RAB3GAP1: variants seen among roughly 807,000 people sequenced by gnomAD.
The protein encoded by RAB3GAP1 is rab3 GTPase-activating protein catalytic subunit.
Under a neutral mutation model 130.7 loss-of-function variants are expected in RAB3GAP1, and 86 were observed. The ratio of observed to expected loss-of-function variants is 0.66; its 90% CI spans 0.55 to 0.79. RAB3GAP1 has a LOEUF of 0.79. Among genes scored for constraint, RAB3GAP1 ranks in the 30% least tolerant of loss-of-function variants. RAB3GAP1 has a pLI of 0.00. For synonymous variants in RAB3GAP1, 367 were observed against 401.7 expected (o/e 0.91, Z 1.03); for missense variants, 1,029 against 1,169.4 (o/e 0.88, Z 1.75).
rs564209427 is a variant in RAB3GAP1, at chr2:135,097,880, T to C, written c.362+4187T>C. On this transcript the variant is annotated intron_variant, in intron 5 of 23. Coordinates refer to ENST00000264158, the MANE Select transcript of RAB3GAP1 (RefSeq NM_012233.3). ...ACAGATTTTTGTGTGAAAACACATT[T>C]TCAGTTCACTCGGGTAGATACCTAG... is the stretch of plus-strand genomic sequence containing the variant. Among the ~76,000 whole-genome samples the C allele has an allele frequency of 1.2e-4, 19 of 152,328 alleles. No individual in the cohort carries two copies. In the South Asian group the frequency reaches 3.5e-3, roughly 28 times the overall value.
At chr2:135,163,133 T>G (rs1389787402) in intron 22 of RAB3GAP1, 32 bp downstream of exon 22, 2 of 1,501,250 alleles carry the variant, frequency 1.3e-6, no homozygotes, top group East Asian at 2.3e-5. Context: ...CAGTTTTGTC[T>G]GCAGTAGGAA....
At chr2:135,075,576 C>G (rs555283490) in intron 3 of RAB3GAP1, among the ~76,000 whole-genome samples, 2 of 151,042 alleles carry the variant, frequency 1.3e-5, no homozygotes, top group South Asian at 4.2e-4. Flanking sequence ...TATTTACTTT[C>G]CAGTTTTTGC....
At chr2:135,087,347 A>G (rs758283151) in intron 3 of RAB3GAP1, among the ~76,000 whole-genome samples, 1 of 152,190 alleles carries the variant, frequency 6.6e-6, no homozygotes, top group Non-Finnish European at 1.5e-5. Context: ...TTATTCATCA[A>G]AATTATTTTA....
chr2:135,151,938 T>G (rs534646988), intron 18 of RAB3GAP1, among the ~76,000 whole-genome samples: 9 of 152,236 alleles, frequency 5.9e-5, no homozygotes, highest in Non-Finnish European at 1.2e-4. Flanking sequence ...GGTAAAGTTC[T>G]ATATAGTTCC....
At chr2:135,124,289 C>G in intron 9 of RAB3GAP1, 43 bp downstream of exon 9, 1 of 1,544,476 alleles carries the variant, frequency 6.5e-7, no homozygotes, top group Non-Finnish European at 9.0e-7. Flanking sequence ...GAATATTTTA[C>G]TTTGAATTTA....
chr2:135,120,919 G>GT lies in RAB3GAP1; in HGVS notation c.748+2dup. 6 of 1,567,242 alleles carry GT rather than the reference G, an allele frequency of 3.8e-6. No individual in the cohort carries two copies. Among genetic ancestry groups the GT allele is most frequent in the Non-Finnish European group, 5.3e-6 (6 of 1,137,624 alleles). On this transcript the variant is annotated splice_donor_variant, in intron 8 of 23. Transcript: ENST00000264158. LOFTEE classifies it high-confidence loss of function. ...TATTTTTGGCCTCAGCAACCTCCAG[G>GT]TGAGATCATTTAGAACTATATTTAA...
intron 5 of RAB3GAP1, among the ~76,000 whole-genome samples, chr2:135,102,830 A>G (rs893849760): frequency 4.0e-5 from 6 of 151,838 alleles, no homozygotes; most frequent in African/African-American, 1.5e-4. Context: ...CCTGGCCAAC[A>G]TAGTGAAACC....
intron 3 of RAB3GAP1, among the ~76,000 whole-genome samples, chr2:135,078,521 A>C (rs1689690579): frequency 6.6e-6 from 1 of 152,110 alleles, no homozygotes; most frequent in South Asian, 2.1e-4. Flanking sequence ...TCTGTTTCTG[A>C]ATTCTGAATA....
intron 3 of RAB3GAP1, among the ~76,000 whole-genome samples, chr2:135,073,224 G>A (rs1329643054): frequency 6.6e-6 from 1 of 152,128 alleles, no homozygotes; most frequent in Non-Finnish European, 1.5e-5. Flanking sequence ...TTTTCTTTTG[G>A]ACAGAGAGAG....
intron 5 of RAB3GAP1, among the ~76,000 whole-genome samples, chr2:135,102,876 G>A (rs540861780): frequency 5.3e-5 from 8 of 151,650 alleles, no homozygotes; most frequent in East Asian, 4.0e-4. Context: ...TTAGCCGGGC[G>A]TGGTGGCGCA....
At chr2:135,153,952 G>C in intron 19 of RAB3GAP1, 76 bp downstream of exon 19, 1 of 1,399,468 alleles carries the variant, frequency 7.1e-7, no homozygotes. Context: ...TGTCATAGAC[G>C]TGAGAGTTTT....
chr2:135,101,470 A>C (rs894235106), intron 5 of RAB3GAP1, among the ~76,000 whole-genome samples: 2 of 152,354 alleles, frequency 1.3e-5, no homozygotes, highest in Non-Finnish European at 2.9e-5. Flanking sequence ...ATTTAAAATT[A>C]CTATATGATT....
chr2:135,118,227 ACATTGATC>A (rs1691086774), intron 7 of RAB3GAP1, among the ~76,000 whole-genome samples: 1 of 152,190 alleles, frequency 6.6e-6, no homozygotes, highest in Non-Finnish European at 1.5e-5. Context: ...GCTAGGGACT[ACATTGATC>A]TGTGGAACCC....
At chr2:135,096,133 A>G (rs1395429646) in intron 5 of RAB3GAP1, among the ~76,000 whole-genome samples, 1 of 152,164 alleles carries the variant, frequency 6.6e-6, no homozygotes, top group African/African-American at 2.4e-5. Context: ...GTGTCTGTGA[A>G]CTTTATTTAT....
rs60562266 is a variant in RAB3GAP1, at chr2:135,060,256, A to ATTTTTT, written c.150+2186_150+2191dup. 1.8e-3 allele frequency among the ~76,000 whole-genome samples: 202 copies of ATTTTTT among 109,834 alleles called. 6 individuals are homozygous for ATTTTTT. The highest frequency in any genetic ancestry group is 4.7e-3 in the Middle Eastern group (1 of 212). 72.1% of individuals were successfully genotyped at this position (109,834 alleles called of 152,430 possible). A position where few individuals can be genotyped will look rare whatever the true frequency, so the allele number is the denominator to read the frequency against. On this transcript the variant is annotated intron_variant, in intron 3 of 23. Coordinates refer to ENST00000264158, the MANE Select transcript of RAB3GAP1 (RefSeq NM_012233.3). ...GTAATGGACAAAACTTAACTGCTTGATTTTTTTTTTTTTTTTTTTTTGAGA... is the reference window on the plus strand; with the variant it reads ...GTAATGGACAAAACTTAACTGCTTGATTTTTTTTTTTTTTTTTTTTTTTTTTTGAGA...
At chr2:135,080,054 T>G (rs1233742486) in intron 3 of RAB3GAP1, among the ~76,000 whole-genome samples, 1 of 149,026 alleles carries the variant, frequency 6.7e-6, no homozygotes, top group African/African-American at 2.5e-5. Context: ...AAGGCGGAGC[T>G]TGCAGTGAGC....
intron 11 of RAB3GAP1, among the ~76,000 whole-genome samples, chr2:135,127,803 G>C (rs1163805956): frequency 6.6e-6 from 1 of 152,168 alleles, no homozygotes; most frequent in Non-Finnish European, 1.5e-5. Context: ...GAAGTACTTT[G>C]AAAAATATTA....
At chr2:135,129,050 G>A (rs1388689245) in intron 11 of RAB3GAP1, among the ~76,000 whole-genome samples, 1 of 152,168 alleles carries the variant, frequency 6.6e-6, no homozygotes. Context: ...TACCCAGGAG[G>A]CTGAGGTGGG....
chr2:135,090,173 TACAC>T lies in RAB3GAP1; in HGVS notation c.151-822_151-819del, dbSNP rs1468700784. 2.2e-4 allele frequency among the ~76,000 whole-genome samples: 34 copies of T among 152,198 alleles called. 1 individual carries two copies. The highest frequency in any genetic ancestry group is 4.1e-4 in the Non-Finnish European group (28 of 68,032). The stretch of plus-strand genomic sequence containing the variant: ...GATATTTGATGTACTTACGTAATAA[TACAC>T]ACTTAGGACACTTAAAATAAGATTT... On this transcript the variant is annotated intron_variant, in intron 3 of 23. Transcript: ENST00000264158.
Sources: allele counts gnomAD v4.1 joint callset (sites outside exome capture counted in the v4.1 genomes callset), GRCh38; gene constraint gnomAD v4.1.1; transcripts MANE v1.5; gene names NCBI Gene and HGNC (gene_info 2026-07-23, HGNC 2026-07-21).